Variants in ZNF486 observed in about 807,000 individuals in gnomAD.
ZNF486 encodes KRAB box only protein 2.
Under a neutral mutation model 12.8 loss-of-function variants are expected in ZNF486, and 12 were observed. The ratio of observed to expected loss-of-function variants is 0.94; its 90% CI spans 0.60 to 1.52. ZNF486 has a LOEUF of 1.52. Among genes scored for constraint, ZNF486 ranks in the 40% most tolerant of loss-of-function variants. The pLI, the probability that ZNF486 is intolerant of heterozygous loss-of-function variation, is 0.00. For missense variants in ZNF486, 738 were observed against 545.0 expected, an observed-to-expected ratio of 1.35 and a Z score of -3.53; for synonymous variants, 231 against 184.9, an observed-to-expected ratio of 1.25 and a Z score of -2.02.
At chr19:20,171,177 T>C (rs2089643823) in intron 1 of ZNF486, among the ~76,000 whole-genome samples, 1 of 152,196 alleles carries the variant, frequency 6.6e-6, no homozygotes, top group African/African-American at 2.4e-5. Context: ...CACAGAGGCC[T>C]GGCCTGGAAC....
chr19:20,191,498 G>C (rs1348711152), intron 3 of ZNF486, among the ~76,000 whole-genome samples: 4 of 150,376 alleles, frequency 2.7e-5, no homozygotes, highest in African/African-American at 9.8e-5. Flanking sequence ...GGCTGGGGGC[G>C]GTGGCTCACA....
intron 3 of ZNF486, among the ~76,000 whole-genome samples, chr19:20,195,746 T>G (rs1555717819): frequency 2.0e-5 from 3 of 152,210 alleles, no homozygotes; most frequent in African/African-American, 7.2e-5. Context: ...TGTTTATTGT[T>G]TAGTTAAATC....
chr19:20,168,890 G>C (rs1167556440), intron 1 of ZNF486, among the ~76,000 whole-genome samples: 1 of 151,938 alleles, frequency 6.6e-6, no homozygotes, highest in Non-Finnish European at 1.5e-5. Flanking sequence ...GCCCAGGCTG[G>C]AGTGCAGTGG....
Position 20,178,092 on chromosome 19 carries a change from T to C in ZNF486, c.31-6264T>C, listed in dbSNP as rs575143734. 2.2e-5 allele frequency among the ~76,000 whole-genome samples: 3 copies of C among 139,320 alleles called. No homozygotes were observed. In the South Asian group the frequency reaches 7.3e-4, roughly 34 times the overall value. 91.4% of individuals were successfully genotyped at this position (139,320 alleles called of 152,430 possible). A position where few individuals can be genotyped will look rare whatever the true frequency, so the allele number is the denominator to read the frequency against. On this transcript the variant is annotated intron_variant, in intron 1 of 3. Transcript: ENST00000335117. The stretch of plus-strand genomic sequence containing the variant: ...GTGCCTGCCACCAGGCCCGGCTAAT[T>C]TTTTTTTTGTATTTTTAGTAGAGAT...
rs188221481 is a variant in ZNF486, at chr19:20,181,514, G to A, written c.31-2842G>A. ...AGATCGCGCCACTGCACTCCAGCCTGGGTGGCAGCGAGACTCCATCTCAAA... is the reference window on the plus strand; with the variant it reads ...AGATCGCGCCACTGCACTCCAGCCTAGGTGGCAGCGAGACTCCATCTCAAA... On this transcript the variant is annotated intron_variant, in intron 1 of 3. Coordinates refer to ENST00000335117, the MANE Select transcript of ZNF486 (RefSeq NM_052852.4). 2.3e-3 allele frequency among the ~76,000 whole-genome samples: 348 copies of A among 149,780 alleles called. 1 individual carries two copies. The highest frequency in any genetic ancestry group is 0.01 in the Middle Eastern group (3 of 290).
chr19:20,193,497 T>TA (rs1171416968), intron 3 of ZNF486, among the ~76,000 whole-genome samples: 1 of 151,826 alleles, frequency 6.6e-6, no homozygotes, highest in Admixed American at 6.6e-5. Flanking sequence ...CTGTCTCTAC[T>TA]AAAAAATACA....
chr19:20,174,836 C>A (rs573390903), intron 1 of ZNF486, among the ~76,000 whole-genome samples: 1 of 152,238 alleles, frequency 6.6e-6, no homozygotes, highest in Non-Finnish European at 1.5e-5. Flanking sequence ...TATATTATGA[C>A]TAGTGAGTAA....
At chr19:20,180,735 AGGCT>A (rs1268597373) in intron 1 of ZNF486, among the ~76,000 whole-genome samples, 1 of 152,130 alleles carries the variant, frequency 6.6e-6, no homozygotes. Flanking sequence ...CACTGTGGTC[AGGCT>A]GGTCTTGAAC....
intron 1 of ZNF486, among the ~76,000 whole-genome samples, chr19:20,173,676 A>G (rs1555714246): frequency 6.6e-6 from 1 of 151,974 alleles, no homozygotes; most frequent in Non-Finnish European, 1.5e-5. Flanking sequence ...AAAAATACAA[A>G]AAAAAATTAG....
At chr19:20,179,647 A>G (rs533885216) in intron 1 of ZNF486, among the ~76,000 whole-genome samples, 1 of 152,338 alleles carries the variant, frequency 6.6e-6, no homozygotes, top group South Asian at 2.1e-4. Flanking sequence ...ATTTAAAAAA[A>G]AAAGCCAGAC....
At chr19:20,174,037 A>C (rs1240442626) in intron 1 of ZNF486, among the ~76,000 whole-genome samples, 1 of 152,146 alleles carries the variant, frequency 6.6e-6, no homozygotes, top group Non-Finnish European at 1.5e-5. Flanking sequence ...TTTATTTTTT[A>C]ATTTTTAGTC....
At chr19:20,189,834 A>G (rs2089885550) in intron 3 of ZNF486, among the ~76,000 whole-genome samples, 1 of 152,160 alleles carries the variant, frequency 6.6e-6, no homozygotes, top group African/African-American at 2.4e-5. Context: ...GTGTAGTTAA[A>G]CTTTTCTTGT....
At chr19:20,169,216 G>C (rs550931047) in intron 1 of ZNF486, among the ~76,000 whole-genome samples, 7 of 152,100 alleles carry the variant, frequency 4.6e-5, no homozygotes, top group Non-Finnish European at 7.4e-5. Flanking sequence ...CTGGGTTCAA[G>C]GGATTTTCCT....
At chr19:20,192,867 A>T (rs193210812) in intron 3 of ZNF486, among the ~76,000 whole-genome samples, 35 of 152,324 alleles carry the variant, frequency 2.3e-4, no homozygotes, top group Non-Finnish European at 4.0e-4. Flanking sequence ...CTAAGATTAC[A>T]TTTGATTTTA....
At chr19:20,192,140 C>T (rs1334240181) in intron 3 of ZNF486, among the ~76,000 whole-genome samples, 1 of 151,774 alleles carries the variant, frequency 6.6e-6, no homozygotes, top group African/African-American at 2.4e-5. Flanking sequence ...TAATTGTGAC[C>T]ACCTCACTCA....
chr19:20,169,070 A>C (rs1568314477), intron 1 of ZNF486, among the ~76,000 whole-genome samples: 1 of 151,164 alleles, frequency 6.6e-6, no homozygotes, highest in East Asian at 2.0e-4. Context: ...CGAACTCCTG[A>C]CCTTGTGATC....
In ZNF486 at chr19:20,197,777, G is replaced by T. The variant is rs535576002; in HGVS notation, c.1067G>T (p.Gly356Val). The change falls in exon 4 of 4, where the codon GGC becomes GTC. Residue 356 changes from glycine to valine, a missense_variant. Physicochemically the swap from Gly to Val is moderately radical, Grantham distance 109 (BLOSUM62 -3). Coordinates refer to ENST00000335117, the MANE Select transcript of ZNF486 (RefSeq NM_052852.4). ...GEKPYKCEEC[G>V]KAFTRSSHLT... ...AAACCCTACAAATGTGAAGAATGTG[G>T]CAAAGCCTTCACCCGCTCCTCACAC... 35 of 1,613,720 alleles carry T rather than the reference G, an allele frequency of 2.2e-5. No individual in the cohort carries two copies. The African/African-American group carries it at 3.9e-4, about 18-fold the overall frequency.
rs200060652 is a variant in ZNF486, at chr19:20,168,705, CTGTT to C, written c.30+1348_30+1351del. Among the ~76,000 whole-genome samples, 60 of 152,118 alleles carry C rather than the reference CTGTT, an allele frequency of 3.9e-4. 4 individuals carry two copies. In the East Asian group the frequency reaches 6.4e-3, roughly 16 times the overall value. ...AAAATTTTCTTCCTTTATGTAAACA[CTGTT>C]TGAGTAATTTCACTGGATTTTTCAA... On this transcript the variant is annotated intron_variant, in intron 1 of 3. Coordinates refer to ENST00000335117, the MANE Select transcript of ZNF486 (RefSeq NM_052852.4).
At chr19:20,170,765 T>C (rs1027543215) in intron 1 of ZNF486, among the ~76,000 whole-genome samples, 55 of 152,240 alleles carry the variant, frequency 3.6e-4, no homozygotes, top group African/African-American at 1.3e-3. Flanking sequence ...GAGAATTTTA[T>C]TAATCACAAA....
Sources: gnomAD v4.1 joint callset for allele counts (sites outside exome capture counted in the v4.1 genomes callset) on GRCh38, gnomAD v4.1.1 for gene constraint, MANE v1.5 for transcripts, NCBI Gene and HGNC (gene_info 2026-07-23, HGNC 2026-07-21) for gene names.